Variants in RPS6KA5 observed in about 807,000 individuals in gnomAD.
RPS6KA5 encodes ribosomal protein S6 kinase alpha-5.
Under a neutral mutation model 85.5 loss-of-function variants are expected in RPS6KA5, and 27 were observed. That is an observed-to-expected ratio of 0.32 (90% CI 0.23 to 0.44). The LOEUF is 0.44. Ranked by LOEUF, RPS6KA5 falls within the 20% of genes least tolerant of loss-of-function variation. The pLI is 1.00. For synonymous variants in RPS6KA5, 334 were observed against 348.2 expected, an observed-to-expected ratio of 0.96 and a Z score of 0.46; for missense variants, 811 against 980.9, an observed-to-expected ratio of 0.83 and a Z score of 2.31.
intron 1 of RPS6KA5, among the ~76,000 whole-genome samples, chr14:91,053,210 C>G (rs2043167331): frequency 6.6e-6 from 1 of 152,136 alleles, no homozygotes; most frequent in African/African-American, 2.4e-5. Context: ...TGAAATTCTT[C>G]AATTTGATAA....
intron 2 of RPS6KA5, among the ~76,000 whole-genome samples, chr14:90,986,986 A>G (rs1043794420): frequency 6.6e-6 from 1 of 152,170 alleles, no homozygotes; most frequent in African/African-American, 2.4e-5. Flanking sequence ...AGCTAACATG[A>G]CCTAACATAG....
At chr14:90,900,338 A>G (rs2035096354) in intron 10 of RPS6KA5, 97 bp from the exon 11 acceptor site, 2 of 829,726 alleles carry the variant, frequency 2.4e-6, no homozygotes, top group Admixed American at 6.8e-5. Context: ...TAATATTAAT[A>G]AACAGGAATA....
intron 1 of RPS6KA5, among the ~76,000 whole-genome samples, chr14:91,040,758 C>T (rs182835033): frequency 6.6e-6 from 1 of 152,268 alleles, no homozygotes; most frequent in Admixed American, 6.5e-5. Flanking sequence ...TGAGAAGAAC[C>T]AGGTAGAAGA....
chr14:90,861,951 T>G lies in RPS6KA5; in HGVS notation c.*10123A>C, dbSNP rs1200127022. The G allele has an allele frequency of 6.6e-6, 1 of 151,002 alleles. No homozygotes were observed. The highest frequency in any genetic ancestry group is 6.6e-5 in the Admixed American group (1 of 15,152). 9.4% of individuals were successfully genotyped at this position (151,002 alleles called of 1,614,324 possible). ...AAACTGTCATAAAATTCCTGCATTG[T>G]TGGGAAGTGGTAATGTACCAATTTA... On this transcript the variant is annotated 3_prime_UTR_variant, in exon 17 of 17. Transcript: ENST00000614987.
intron 3 of RPS6KA5, among the ~76,000 whole-genome samples, chr14:90,954,128 GTTCTCT>G (rs1219162547): frequency 3.3e-5 from 5 of 152,068 alleles, no homozygotes; most frequent in Non-Finnish European, 5.9e-5. Flanking sequence ...TCCTCTCTTT[GTTCTCT>G]TTCTCTTTAT....
rs946094126 is a variant in RPS6KA5, at chr14:91,060,639, C to T, written c.-205G>A. On this transcript the variant is annotated 5_prime_UTR_variant, in exon 1 of 17. Coordinates refer to ENST00000614987, the MANE Select transcript of RPS6KA5 (RefSeq NM_004755.4). ...CCCCTTCGGCGGGCACCGCTAGTAC[C>T]GCGCAACCAAACCGCCCCCTGCTCC... 3.2e-6 allele frequency: 2 copies of T among 625,208 alleles called. No individual in the cohort carries two copies. The highest frequency in any genetic ancestry group is 4.6e-6 in the Non-Finnish European group (2 of 436,448). 38.7% of individuals were successfully genotyped at this position (625,208 alleles called of 1,614,324 possible).
intron 14 of RPS6KA5, among the ~76,000 whole-genome samples, chr14:90,888,979 G>A (rs1329519310): frequency 3.3e-5 from 5 of 152,136 alleles, no homozygotes; most frequent in Admixed American, 1.3e-4. Flanking sequence ...ATAGGAAAAT[G>A]GGCAAAGCTC....
intron 1 of RPS6KA5, among the ~76,000 whole-genome samples, chr14:91,029,743 G>C (rs747590818): frequency 2.6e-5 from 4 of 152,144 alleles, no homozygotes; most frequent in African/African-American, 9.7e-5. Flanking sequence ...ACCAGACATT[G>C]TAAGGATTAA....
chr14:91,060,344 C>T lies in RPS6KA5; in HGVS notation c.91G>A (p.Glu31Lys). ...CGGGGTCGCTCACCAGTCCGCAGCT[C>T]GTGCTTGACAGTGAGGAGCTGCTCT... ...GGEQLLTVKH[E>K]LRTANLTGHA... Residue 31 changes from glutamate to lysine, a missense_variant, in exon 1 of 17, where the codon GAG (glutamate) becomes AAG (lysine). Around this residue, in one of 3 missense-constraint regions of RPS6KA5, gnomAD observed 113 missense variants for 100.0 expected, o/e 1.13. Transcript: ENST00000614987. 7.0e-7 allele frequency: 1 copy of T among 1,420,618 alleles called. No individual in the cohort carries two copies. The highest frequency in any genetic ancestry group is 1.6e-5 in the South Asian group (1 of 63,410). The allele number at this position is 1,420,618 out of a possible 1,614,324, so 88.0% of individuals were successfully genotyped here.
At chr14:90,951,700 C>T (rs2038198528) in intron 3 of RPS6KA5, among the ~76,000 whole-genome samples, 1 of 152,084 alleles carries the variant, frequency 6.6e-6, no homozygotes, top group Admixed American at 6.6e-5. Flanking sequence ...TTATTTCTTA[C>T]TGGGAGGACA....
At chr14:91,015,457 T>C (rs1467770157) in intron 1 of RPS6KA5, among the ~76,000 whole-genome samples, 1 of 152,232 alleles carries the variant, frequency 6.6e-6, no homozygotes, top group African/African-American at 2.4e-5. Context: ...TTATTATGTT[T>C]TGAATTACAC....
chr14:90,988,056 C>G (rs2040135600), intron 2 of RPS6KA5, among the ~76,000 whole-genome samples: 1 of 152,156 alleles, frequency 6.6e-6, no homozygotes, highest in Non-Finnish European at 1.5e-5. Context: ...GAATGAATCC[C>G]AAGACCAACG....
Position 90,863,426 on chromosome 14 carries a change from C to T in RPS6KA5, c.*8648G>A, listed in dbSNP as rs2032669070. ...TTTAAGGAGTCCATTGTCATTACTT[C>T]ATTTAGCATGTTATTGGAGGTCCTG... On this transcript the variant is annotated 3_prime_UTR_variant, in exon 17 of 17. Coordinates refer to ENST00000614987, the MANE Select transcript of RPS6KA5 (RefSeq NM_004755.4). The T allele has an allele frequency of 6.7e-6, 1 of 148,216 alleles. No homozygotes were observed. Among genetic ancestry groups the T allele is most frequent in the African/African-American group, 2.5e-5 (1 of 40,560 alleles). The allele number at this position is 148,216 out of a possible 1,614,324, so 9.2% of individuals were successfully genotyped here. A position where few individuals can be genotyped will look rare whatever the true frequency, so the allele number is the denominator to read the frequency against.
chr14:90,916,741 T>A (rs1243995826), intron 7 of RPS6KA5, among the ~76,000 whole-genome samples: 6 of 152,168 alleles, frequency 3.9e-5, no homozygotes, highest in Non-Finnish European at 7.4e-5. Flanking sequence ...ACAAAGTGGA[T>A]AATTAATTGA....
chr14:91,035,417 G>A (rs1264026587), intron 1 of RPS6KA5, among the ~76,000 whole-genome samples: 1 of 151,982 alleles, frequency 6.6e-6, no homozygotes, highest in Non-Finnish European at 1.5e-5. Flanking sequence ...GACAAAGCAA[G>A]ACAAAATCAT....
chr14:90,943,502 C>A (rs114009865), intron 4 of RPS6KA5, among the ~76,000 whole-genome samples: 1,825 of 152,236 alleles, frequency 0.012, 41 homozygotes, highest in African/African-American at 0.041. Context: ...CTCTAGATGA[C>A]CTTCAGGTGC....
intron 1 of RPS6KA5, among the ~76,000 whole-genome samples, chr14:91,044,137 G>A (rs1402157535): frequency 6.6e-6 from 1 of 151,902 alleles, no homozygotes; most frequent in Non-Finnish European, 1.5e-5. Flanking sequence ...TCAGGCAGGA[G>A]AATCGCTTGA....
chr14:90,877,326 A>C (rs2033544268), intron 14 of RPS6KA5, among the ~76,000 whole-genome samples: 1 of 152,236 alleles, frequency 6.6e-6, no homozygotes, highest in Non-Finnish European at 1.5e-5. Context: ...TGTAGAAGGC[A>C]GACAAAACTC....
Position 90,875,336 on chromosome 14 carries a change from G to A in RPS6KA5, c.1861C>T (p.Pro621Ser), listed in dbSNP as rs1398320270. 6.2e-7 allele frequency: 1 copy of A among 1,613,664 alleles called. No homozygotes were observed. The highest frequency in any genetic ancestry group is 8.5e-7 in the Non-Finnish European group (1 of 1,179,774). Reference protein sequence around the residue: ...ILYTMLSGQVPFQSHDRSLTC... With the variant: ...ILYTMLSGQVSFQSHDRSLTC... ...AAACTTCGGTCATGAGATTGGAAGG[G>A]AACCTGTCCTGACAACATTGTGTAC... The change falls in exon 15 of 17, where the codon CCC becomes TCC. Residue 621 changes from proline to serine, a missense_variant. By Grantham distance (74) the Pro-to-Ser change is moderately conservative. Transcript: ENST00000614987.
Sources: allele counts gnomAD v4.1 joint callset (sites outside exome capture counted in the v4.1 genomes callset), GRCh38; gene constraint gnomAD v4.1.1; regional missense constraint gnomAD v4.1.1; transcripts MANE v1.5; gene names NCBI Gene and HGNC (gene_info 2026-07-23, HGNC 2026-07-21).